The following WASF3 variants were observed in gnomAD, a reference collection of about 807,000 sequenced individuals.
WASF3 encodes actin-binding protein WASF3.
In WASF3, 11 loss-of-function variants were observed where a neutral mutation model predicts 46.6. That is an observed-to-expected ratio of 0.24 (90% CI 0.15 to 0.39). WASF3 has a LOEUF of 0.39. Among genes scored for constraint, WASF3 ranks in the 10% least tolerant of loss-of-function variants. The pLI, the probability that WASF3 is intolerant of heterozygous loss-of-function variation, is 1.00. For missense variants in WASF3, 576 were observed against 669.8 expected (o/e 0.86, Z 1.55); for synonymous variants, 242 against 259.7 (o/e 0.93, Z 0.65).
intron 1 of WASF3, among the ~76,000 whole-genome samples, chr13:26,603,811 A>G (rs1175287487): frequency 1.3e-5 from 2 of 152,214 alleles, no homozygotes; most frequent in Admixed American, 6.5e-5. Flanking sequence ...TGGTTGCTGA[A>G]ATTAAGGAAA....
intron 1 of WASF3, among the ~76,000 whole-genome samples, chr13:26,575,026 C>T (rs554527859): frequency 3.3e-5 from 5 of 152,072 alleles, no homozygotes; most frequent in South Asian, 2.1e-4. Context: ...TTACTAGAGA[C>T]GGGGTTACAC....
At chr13:26,684,201 T>TA (rs1883331680) in intron 9 of WASF3, among the ~76,000 whole-genome samples, 1 of 151,974 alleles carries the variant, frequency 6.6e-6, no homozygotes, top group Non-Finnish European at 1.5e-5. Flanking sequence ...TTTGTCAAGA[T>TA]AAAAAAGTCC....
intron 2 of WASF3, among the ~76,000 whole-genome samples, chr13:26,638,901 TGAGGGTGGGTGGTTAAAAA>T (rs1226461761): frequency 1.3e-5 from 2 of 152,212 alleles, no homozygotes; most frequent in East Asian, 3.8e-4. Flanking sequence ...TTACTTCCTG[TGAGGGTGGGTGGTTAAAAA>T]GAGTCTGGCT....
At chr13:26,685,199 A>T (rs1025743979) in intron 9 of WASF3, among the ~76,000 whole-genome samples, 1 of 152,242 alleles carries the variant, frequency 6.6e-6, no homozygotes, top group African/African-American at 2.4e-5. Context: ...AATTGTTGAA[A>T]TAAAGGTTTC....
chr13:26,574,568 A>G (rs976937626), intron 1 of WASF3, among the ~76,000 whole-genome samples: 38 of 151,964 alleles, frequency 2.5e-4, no homozygotes, highest in African/African-American at 9.2e-4. Context: ...TATATACAGC[A>G]TAGTCTTTGC....
chr13:26,594,099 A>G (rs1880387392), intron 1 of WASF3, among the ~76,000 whole-genome samples: 1 of 152,208 alleles, frequency 6.6e-6, no homozygotes, highest in South Asian at 2.1e-4. Flanking sequence ...AAGTATTCCA[A>G]TTTATACTTT....
At chr13:26,597,371 G>C (rs2137194943) in intron 1 of WASF3, among the ~76,000 whole-genome samples, 1 of 152,362 alleles carries the variant, frequency 6.6e-6, no homozygotes, top group South Asian at 2.1e-4. Context: ...CTGGCTTCAA[G>C]TGATCTGCCC....
At chr13:26,564,609 G>T (rs370018630) in intron 1 of WASF3, among the ~76,000 whole-genome samples, 1 of 152,132 alleles carries the variant, frequency 6.6e-6, no homozygotes, top group African/African-American at 2.4e-5. Context: ...GAGAAGCTCC[G>T]TGAAATTATA....
At chr13:26,593,868 A>T (rs1880376340) in intron 1 of WASF3, among the ~76,000 whole-genome samples, 1 of 152,236 alleles carries the variant, frequency 6.6e-6, no homozygotes. Flanking sequence ...ATAATAATTT[A>T]TAGCTCTAAC....
chr13:26,655,505 G>A (rs1296188512), intron 3 of WASF3, among the ~76,000 whole-genome samples: 1 of 152,100 alleles, frequency 6.6e-6, no homozygotes, highest in African/African-American at 2.4e-5. Context: ...TGATTAAAAA[G>A]TGTCATATGG....
In WASF3 at chr13:26,576,596, T is replaced by C. The variant is rs1302833488; in HGVS notation, c.-109+18777T>C. On this transcript the variant is annotated intron_variant, in intron 1 of 9. Coordinates refer to ENST00000335327, the MANE Select transcript of WASF3 (RefSeq NM_006646.6). ...TGGAGTGTGGTACATCATGTGCTTA[T>C]GTAACTTATGTACTTACTATCTCAA... 2.2e-4 allele frequency among the ~76,000 whole-genome samples: 33 copies of C among 152,236 alleles called. 1 individual carries two copies. Among genetic ancestry groups the C allele is most frequent in the Admixed American group, 2.2e-3 (33 of 15,286 alleles).
chr13:26,642,257 T>C lies in WASF3; in HGVS notation c.-10-4T>C. ...CTTATAAAGAATGTGTTTTCAATTT[T>C]CAGATTGTGAACCATGCCTTTAGTG... is the stretch of plus-strand genomic sequence containing the variant. On this transcript the variant is annotated splice_polypyrimidine_tract_variant and splice_region_variant and intron_variant, in intron 2 of 9. Coordinates refer to ENST00000335327, the MANE Select transcript of WASF3 (RefSeq NM_006646.6). 1 of 1,528,390 alleles carries C rather than the reference T, an allele frequency of 6.5e-7. No homozygotes were observed. 94.7% of individuals were successfully genotyped at this position (1,528,390 alleles called of 1,614,324 possible).
chr13:26,670,307 T>C (rs1243471647), intron 5 of WASF3, among the ~76,000 whole-genome samples: 2 of 149,934 alleles, frequency 1.3e-5, no homozygotes, highest in South Asian at 2.1e-4. Flanking sequence ...GAACAACATA[T>C]GGGCACAGGG....
At chr13:26,625,775 C>T (rs1166719487) in intron 2 of WASF3, among the ~76,000 whole-genome samples, 1 of 152,156 alleles carries the variant, frequency 6.6e-6, no homozygotes, top group Non-Finnish European at 1.5e-5. Context: ...TGAACCATTA[C>T]ATTATTCTAA....
chr13:26,577,335 G>A, intron 1 of WASF3: 1 of 760,052 alleles, frequency 1.3e-6, no homozygotes, highest in Non-Finnish European at 2.4e-6. Flanking sequence ...AATCCGATAT[G>A]GAAAACCTTT....
chr13:26,627,210 C>T (rs1434882180), intron 2 of WASF3, among the ~76,000 whole-genome samples: 1 of 151,910 alleles, frequency 6.6e-6, no homozygotes, highest in Admixed American at 6.6e-5. Flanking sequence ...ATGTTAGTAT[C>T]TTATTTTGGT....
intron 2 of WASF3, chr13:26,641,050 A>G (rs1256765864): frequency 6.6e-6 from 1 of 152,188 alleles, no homozygotes; most frequent in East Asian, 1.9e-4. Context: ...CAGTCATTGT[A>G]GACTTTGATT....
At chr13:26,660,193 G>GGTTTTT (rs1882584143) in intron 3 of WASF3, among the ~76,000 whole-genome samples, 1 of 34,734 alleles carries the variant, frequency 2.9e-5, no homozygotes, top group Non-Finnish European at 6.1e-5. Context: ...TTTTTTGTTT[G>GGTTTTT]GTTTTTTTTT....
chr13:26,609,093 A>T (rs1217039485), intron 1 of WASF3, among the ~76,000 whole-genome samples: 1 of 152,206 alleles, frequency 6.6e-6, no homozygotes, highest in Non-Finnish European at 1.5e-5. Flanking sequence ...ATCCAAATAC[A>T]ATCAGATTAG....
Sources: gnomAD v4.1 joint callset for allele counts (sites outside exome capture counted in the v4.1 genomes callset) on GRCh38, gnomAD v4.1.1 for gene constraint, MANE v1.5 for transcripts, NCBI Gene and HGNC (gene_info 2026-07-23, HGNC 2026-07-21) for gene names.